SDK1: variants seen among roughly 807,000 people sequenced by gnomAD.
SDK1 encodes sidekick cell adhesion molecule 1.
SDK1 carries 157 observed loss-of-function variants against 245.5 expected under a neutral mutation model. That is an observed-to-expected ratio of 0.64 (90% confidence interval 0.56 to 0.73). The LOEUF (loss-of-function observed/expected upper bound fraction) is 0.73, where lower values mean the gene tolerates loss of function less well. Among genes scored for constraint, SDK1 ranks in the 30% least tolerant of loss-of-function variants. SDK1 has a pLI of 0.00. For synonymous variants in SDK1, 1,647 were observed against 1,278.5 expected (o/e 1.29, Z -6.15); for missense variants, 3,583 against 3,002.3 (o/e 1.19, Z -4.52).
chr7:3,649,379 C>T (rs1440893692), intron 4 of SDK1, among the ~76,000 whole-genome samples: 2 of 151,986 alleles, frequency 1.3e-5, no homozygotes, highest in East Asian at 3.9e-4. Context: ...AAATTGCCAT[C>T]CCAATCAAGA....
intron 22 of SDK1, among the ~76,000 whole-genome samples, chr7:4,093,394 A>G (rs1266773890): frequency 6.7e-6 from 1 of 149,430 alleles, no homozygotes; most frequent in African/African-American, 2.5e-5. Context: ...GTTTTCCATA[A>G]TGAAGATGCT....
intron 1 of SDK1, among the ~76,000 whole-genome samples, chr7:3,617,578 T>A (rs958710158): frequency 6.6e-6 from 1 of 152,200 alleles, no homozygotes; most frequent in Admixed American, 6.5e-5. Flanking sequence ...GACTCTTGGT[T>A]CTAGAGGCTG....
intron 32 of SDK1, among the ~76,000 whole-genome samples, chr7:4,169,583 C>T (rs375209965): frequency 2.0e-5 from 3 of 152,242 alleles, no homozygotes; most frequent in African/African-American, 7.2e-5. Flanking sequence ...GCCTTCCTCA[C>T]TCAGTCTCTG....
At chr7:3,870,288 T>C (rs1188369526) in intron 5 of SDK1, among the ~76,000 whole-genome samples, 1 of 152,210 alleles carries the variant, frequency 6.6e-6, no homozygotes, top group African/African-American at 2.4e-5. Flanking sequence ...TTGCTACTTT[T>C]CGTTATTTTT....
chr7:4,050,109 A>C (rs1343596894), intron 18 of SDK1, among the ~76,000 whole-genome samples: 1 of 152,172 alleles, frequency 6.6e-6, no homozygotes, highest in African/African-American at 2.4e-5. Flanking sequence ...CCTTGATTTT[A>C]GCTACAATAG....
At chr7:4,033,002 TAGTC>T (rs150135324) in intron 17 of SDK1, among the ~76,000 whole-genome samples, 10,329 of 152,096 alleles carry the variant, frequency 0.068, 726 homozygotes, top group African/African-American at 0.18. Context: ...TGAGCAAAAA[TAGTC>T]AGGAAACTTC....
intron 5 of SDK1, among the ~76,000 whole-genome samples, chr7:3,914,082 C>T (rs1326976790): frequency 6.6e-6 from 1 of 152,182 alleles, no homozygotes; most frequent in Non-Finnish European, 1.5e-5. Context: ...GAAGGCCCAG[C>T]CCTGGGGATA....
intron 1 of SDK1, among the ~76,000 whole-genome samples, chr7:3,470,510 AAAT>A (rs1693318475): frequency 6.6e-6 from 1 of 152,210 alleles, no homozygotes; most frequent in African/African-American, 2.4e-5. Flanking sequence ...TTAATTTAGA[AAAT>A]AAAATATATA....
chr7:4,224,949 C>G (rs1785334589), intron 40 of SDK1, among the ~76,000 whole-genome samples: 1 of 126,294 alleles, frequency 7.9e-6, no homozygotes, highest in Admixed American at 9.7e-5. Flanking sequence ...CGCCACTGCA[C>G]TCTAGCCTGG....
rs534323223 is a variant in SDK1 at position 3,766,788 on chromosome 7, C to T, written c.714-54662C>T. Among the ~76,000 whole-genome samples, 54 of 152,190 alleles carry T rather than the reference C, an allele frequency of 3.5e-4. 1 individual carries two copies. Among genetic ancestry groups the T allele is most frequent in the African/African-American group, 9.6e-4 (40 of 41,534 alleles). ...CTTTGAATTTTTTGGAATTAGTTTT[C>T]TTAGCAGTCAACAAGTATATATGGA... On this transcript the variant is annotated intron_variant, in intron 4 of 44. Coordinates refer to ENST00000404826, the MANE Select transcript of SDK1 (RefSeq NM_152744.4).
intron 1 of SDK1, among the ~76,000 whole-genome samples, chr7:3,423,613 A>C (rs1779592023): frequency 6.6e-6 from 1 of 151,472 alleles, no homozygotes; most frequent in Non-Finnish European, 1.5e-5. Flanking sequence ...AAAGTATCCT[A>C]AATATAAAGG....
At position 3,982,989 on chromosome 7, in the gene SDK1, A is replaced by C. The variant is rs528961097; in HGVS notation, c.1995-4197A>C. ...GAGGAAGTTGCTGCTGATGTGGTGG[A>C]AACAGCAAGAGAACTAGAATTAGAG... On this transcript the variant is annotated intron_variant, in intron 13 of 44. Transcript: ENST00000404826. Among the ~76,000 whole-genome samples the C allele has an allele frequency of 1.7e-3, 264 of 152,294 alleles. 1 individual carries two copies. The highest frequency in any genetic ancestry group is 6.2e-3 in the African/African-American group (256 of 41,566).
At position 3,998,234 on chromosome 7, in the gene SDK1, G is replaced by C. The variant is rs1025619470; in HGVS notation, c.2131+10912G>C. 2.0e-5 allele frequency among the ~76,000 whole-genome samples: 3 copies of C among 152,244 alleles called. No homozygotes were observed. In the East Asian group the frequency reaches 5.8e-4, roughly 29 times the overall value. ...CTCGTAAGGGGCAGAGCTTCCACTT[G>C]TCCCCGGCTCCTATGGGCTCCTTGG... On this transcript the variant is annotated intron_variant, in intron 14 of 44. Transcript: ENST00000404826.
chr7:4,107,689 T>G (rs1250402674), intron 22 of SDK1, among the ~76,000 whole-genome samples: 1 of 152,082 alleles, frequency 6.6e-6, no homozygotes, highest in Non-Finnish European at 1.5e-5. Flanking sequence ...AATGTGGGGC[T>G]TGGTCCTCCG....
chr7:3,723,208 G>A (rs1333375354), intron 4 of SDK1, among the ~76,000 whole-genome samples: 1 of 152,214 alleles, frequency 6.6e-6, no homozygotes, highest in Non-Finnish European at 1.5e-5. Context: ...AGTAAATTAA[G>A]AGTTCAAAAT....
chr7:3,559,045 T>G (rs1280719504), intron 1 of SDK1, among the ~76,000 whole-genome samples: 2 of 152,192 alleles, frequency 1.3e-5, no homozygotes, highest in Non-Finnish European at 2.9e-5. Flanking sequence ...AGGATGTATT[T>G]TTTTGAAGGG....
At chr7:4,258,993 T>C (rs13228414) in intron 44 of SDK1, among the ~76,000 whole-genome samples, 29,080 of 152,278 alleles carry the variant, frequency 0.19, 2,887 homozygotes, top group Middle Eastern at 0.28. Context: ...CAAGTTGGTC[T>C]CTAAAGAAGT....
At chr7:4,078,634 T>G (rs1257672526) in intron 21 of SDK1, among the ~76,000 whole-genome samples, 2 of 152,130 alleles carry the variant, frequency 1.3e-5, no homozygotes, top group Non-Finnish European at 2.9e-5. Flanking sequence ...TTCTTCCCCA[T>G]TTTATCCCCT....
At position 4,102,416 on chromosome 7, in the gene SDK1, G is replaced by A. The variant is rs116106386; in HGVS notation, c.3325-8247G>A. On this transcript the variant is annotated intron_variant, in intron 22 of 44. Transcript: ENST00000404826. ...AGTTTCAGCCAGGCAGGGTGCGCTT[G>A]GCTTGGCAGCTTTCCATGGAAGGGG... Among the ~76,000 whole-genome samples, 873 of 152,248 alleles carry A rather than the reference G, an allele frequency of 5.7e-3. 9 individuals carry two copies. Among genetic ancestry groups the A allele is most frequent in the African/African-American group, 0.019 (789 of 41,536 alleles).
Sources: gnomAD v4.1 joint callset for allele counts (sites outside exome capture counted in the v4.1 genomes callset) on GRCh38, gnomAD v4.1.1 for gene constraint, MANE v1.5 for transcripts, NCBI Gene and HGNC (gene_info 2026-07-23, HGNC 2026-07-21) for gene names.